HDAC8: variants seen among roughly 807,000 people sequenced by gnomAD.
HDAC8 encodes the protein histone deacetylase-like 1.
A neutral mutation model predicts 32.2 loss-of-function variants in HDAC8; 1 was observed. The ratio of observed to expected loss-of-function variants is 0.03; its 90% CI spans 0.01 to 0.15. HDAC8 has a LOEUF of 0.15. HDAC8 is among the 10% of genes least tolerant of loss of function. The pLI is 1.00. For synonymous variants in HDAC8, 108 were observed against 113.9 expected (o/e 0.95, Z 0.33); for missense variants, 117 against 300.0 (o/e 0.39, Z 4.51).
At position 72,430,246 on chromosome X, in the gene HDAC8, A is replaced by G. The variant is rs782309459; in HGVS notation, c.1005+31758T>C. Among the ~76,000 whole-genome samples the G allele has an allele frequency of 3.6e-5, 4 of 111,771 alleles. No homozygotes were observed. In the Admixed American group the frequency reaches 3.8e-4, roughly 11 times the overall value. ...TTTACCTCCTCTTGCCTCCTTCTCT[A>G]GAACCTTGAACTCTTGATTATTTCC... On this transcript the variant is annotated intron_variant, in intron 9 of 10. Transcript: ENST00000373573.
chrX:72,572,599 G>GGC (rs2147617585), intron 1 of HDAC8, 52 bp downstream of exon 1: 216 of 452,826 alleles, frequency 4.8e-4, no homozygotes, highest in East Asian at 1.2e-3. Flanking sequence ...TTCGTCCACC[G>GGC]CCCCCACCCC....
chrX:72,468,035 A>G, intron 7 of HDAC8: 1 of 1,175,247 alleles, frequency 8.5e-7, no homozygotes, highest in Non-Finnish European at 1.1e-6. Context: ...GAAAAGGTTG[A>G]TAAGAAGCTT....
In HDAC8 at chrX:72,503,999, A is replaced by T. The variant is rs184968163; in HGVS notation, c.438-8731T>A. Among the ~76,000 whole-genome samples, 13 of 112,209 alleles carry T rather than the reference A, an allele frequency of 1.2e-4. No individual in the cohort carries two copies. In the Admixed American group the frequency reaches 1.2e-3, roughly 11 times the overall value. On this transcript the variant is annotated intron_variant, in intron 4 of 10. Transcript: ENST00000373573. ...CACATTTATAGATGCAGCAAGTAAA[A>T]TCTTCTTAGCTTGATAGGCTTTTAA...
At chrX:72,431,545 AT>A (rs1278927122) in intron 9 of HDAC8, among the ~76,000 whole-genome samples, 1 of 107,832 alleles carries the variant, frequency 9.3e-6, no homozygotes. Context: ...CTTGATTGTG[AT>A]TTTTTTTCTT....
chrX:72,531,985 C>A (rs908401364), intron 4 of HDAC8, among the ~76,000 whole-genome samples: 2 of 112,174 alleles, frequency 1.8e-5, no homozygotes, highest in Non-Finnish European at 1.9e-5. Flanking sequence ...TGGATACACT[C>A]CCATCCCTAG....
At chrX:72,373,869 C>T (rs1172442598) in intron 9 of HDAC8, among the ~76,000 whole-genome samples, 2 of 111,963 alleles carry the variant, frequency 1.8e-5, no homozygotes, top group Non-Finnish European at 3.8e-5. Flanking sequence ...TATTATCCAT[C>T]TTTTTGATTA....
At chrX:72,550,804 A>G (rs2051041814) in intron 4 of HDAC8, among the ~76,000 whole-genome samples, 1 of 110,306 alleles carries the variant, frequency 9.1e-6, no homozygotes, top group Non-Finnish European at 1.9e-5. Context: ...TTCCACTATT[A>G]CTCTAAAATT....
intron 9 of HDAC8, among the ~76,000 whole-genome samples, chrX:72,440,193 T>G (rs1180947269): frequency 8.9e-6 from 1 of 111,765 alleles, no homozygotes; most frequent in Non-Finnish European, 1.9e-5. Context: ...CACAACTACA[T>G]GGAAACTGAA....
intron 4 of HDAC8, among the ~76,000 whole-genome samples, chrX:72,528,745 C>G (rs1245475233): frequency 9.0e-6 from 1 of 111,559 alleles, no homozygotes; most frequent in East Asian, 2.8e-4. Context: ...CTTATCCAGT[C>G]TGGGCACACC....
At chrX:72,432,356 T>C (rs2046842803) in intron 9 of HDAC8, among the ~76,000 whole-genome samples, 1 of 110,435 alleles carries the variant, frequency 9.1e-6, no homozygotes, top group South Asian at 3.9e-4. Flanking sequence ...AAGAATAAGA[T>C]CCCACTCTCT....
At chrX:72,391,723 C>G (rs903723276) in intron 9 of HDAC8, among the ~76,000 whole-genome samples, 2 of 111,462 alleles carry the variant, frequency 1.8e-5, no homozygotes, top group Admixed American at 9.6e-5. Context: ...TTCTCTTCCC[C>G]CTCTCCTGTC....
At chrX:72,463,575 T>C (rs782197094) in intron 8 of HDAC8, among the ~76,000 whole-genome samples, 2 of 112,145 alleles carry the variant, frequency 1.8e-5, no homozygotes, top group East Asian at 5.6e-4. Context: ...TGTCACACAG[T>C]ACTTATCAAT....
At chrX:72,433,866 T>C (rs1366722222) in intron 9 of HDAC8, among the ~76,000 whole-genome samples, 1 of 112,155 alleles carries the variant, frequency 8.9e-6, no homozygotes, top group Non-Finnish European at 1.9e-5. Flanking sequence ...TTATACCAGT[T>C]TCATTGGGTT....
chrX:72,444,240 G>C (rs2047291903), intron 9 of HDAC8, among the ~76,000 whole-genome samples: 2 of 98,831 alleles, frequency 2.0e-5, no homozygotes, highest in South Asian at 1.0e-3. Context: ...CCAAAAAAGA[G>C]AATTTTAGAC....
chrX:72,442,672 T>C (rs1486954769), intron 9 of HDAC8, among the ~76,000 whole-genome samples: 1 of 111,466 alleles, frequency 9.0e-6, no homozygotes, highest in Non-Finnish European at 1.9e-5. Context: ...CAGGATCAAA[T>C]TCACACATAA....
intron 10 of HDAC8, among the ~76,000 whole-genome samples, chrX:72,343,589 T>C (rs912801683): frequency 9.0e-6 from 1 of 111,501 alleles, no homozygotes; most frequent in African/African-American, 3.3e-5. Context: ...GTAAACAACA[T>C]TAAATTTTTA....
intron 9 of HDAC8, among the ~76,000 whole-genome samples, chrX:72,455,951 G>T (rs1266334609): frequency 2.7e-5 from 3 of 112,210 alleles, no homozygotes; most frequent in Non-Finnish European, 5.6e-5. Flanking sequence ...TAACCTTTAA[G>T]AAACTTTCAT....
At chrX:72,485,241 CA>C (rs1292661799) in intron 7 of HDAC8, among the ~76,000 whole-genome samples, 1 of 111,815 alleles carries the variant, frequency 8.9e-6, no homozygotes, top group Non-Finnish European at 1.9e-5. Flanking sequence ...CTTGTGATAC[CA>C]ACTCTAGCAG....
intron 7 of HDAC8, among the ~76,000 whole-genome samples, chrX:72,478,566 C>G (rs2048402702): frequency 9.0e-6 from 1 of 111,706 alleles, no homozygotes; most frequent in Admixed American, 9.5e-5. Flanking sequence ...TTGCTTTTAG[C>G]CCCTGGCACA....
Sources: gnomAD v4.1 joint callset for allele counts (sites outside exome capture counted in the v4.1 genomes callset) on GRCh38, gnomAD v4.1.1 for gene constraint, MANE v1.5 for transcripts, NCBI Gene and HGNC (gene_info 2026-07-23, HGNC 2026-07-21) for gene names.